COMMD8: variants seen among roughly 807,000 people sequenced by gnomAD.
COMMD8 encodes COMM domain-containing protein 8.
In COMMD8, 28 loss-of-function variants were observed where a neutral mutation model predicts 27.2. The observed-to-expected ratio is 1.03, with a 90% confidence interval of 0.76 to 1.41. The LOEUF (loss-of-function observed/expected upper bound fraction) is 1.41, where lower values mean the gene tolerates loss of function less well. Among genes scored for constraint, COMMD8 ranks in the 40% most tolerant of loss-of-function variants. The pLI, the probability that COMMD8 is intolerant of heterozygous loss-of-function variation, is 0.00. For missense variants in COMMD8, 217 were observed against 211.2 expected (o/e 1.03, Z -0.17); for synonymous variants, 79 against 75.5 (o/e 1.05, Z -0.24).
intron 3 of COMMD8, among the ~76,000 whole-genome samples, chr4:47,454,528 T>C (rs1287086060): frequency 6.6e-6 from 1 of 152,124 alleles, no homozygotes; most frequent in African/African-American, 2.4e-5. Context: ...TAAGAAGATA[T>C]TATCACTGGA....
chr4:47,455,019 A>G (rs1333135979), intron 3 of COMMD8, among the ~76,000 whole-genome samples: 2 of 151,682 alleles, frequency 1.3e-5, no homozygotes, highest in East Asian at 3.9e-4. Context: ...TTATTTATTT[A>G]TTTTTTTCTG....
At chr4:47,452,994 C>T (rs1233375574) in intron 4 of COMMD8, 65 bp downstream of exon 4, 59 of 1,437,376 alleles carry the variant, frequency 4.1e-5, no homozygotes, top group East Asian at 9.2e-5. Flanking sequence ...GAGACTCCAA[C>T]GCAAACAAAA....
intron 2 of COMMD8, 70 bp downstream of exon 2, chr4:47,460,074 G>A (rs1729984218): frequency 1.6e-6 from 2 of 1,273,626 alleles, no homozygotes; most frequent in Admixed American, 2.0e-5. Context: ...ATTATACATT[G>A]CTCTAAAAAA....
At chr4:47,457,291 G>T (rs1270936224) in intron 2 of COMMD8, among the ~76,000 whole-genome samples, 2 of 152,096 alleles carry the variant, frequency 1.3e-5, no homozygotes, top group Non-Finnish European at 2.9e-5. Context: ...TCAACAGAAA[G>T]ACACAACAAT....
At chr4:47,452,926 G>A (rs1160661577) in intron 4 of COMMD8, 133 bp downstream of exon 4, 2 of 647,604 alleles carry the variant, frequency 3.1e-6, no homozygotes, top group Non-Finnish European at 5.3e-6. Context: ...AACTCGGGAG[G>A]CGGAGGTTGC....
chr4:47,463,605 G>A lies in COMMD8; in HGVS notation c.47C>T (p.Pro16Leu). 1 of 1,546,914 alleles carries A rather than the reference G, an allele frequency of 6.5e-7. No individual in the cohort carries two copies. Reference sequence around the variant, plus strand: ...CCTCACCTGCGGGCCCAGCTCGGCCGGCAGCTTCTGCAGCCGCCACAAGGG... The same window carrying A: ...CCTCACCTGCGGGCCCAGCTCGGCCAGCAGCTTCTGCAGCCGCCACAAGGG... The part of the protein sequence containing the change: ...GTPLWRLQKL[P>L]AELGPQLLHK... The change falls in exon 1 of 5, where the codon CCG becomes CTG. Residue 16 changes from proline to leucine, a missense_variant. Physicochemically the swap from Pro to Leu is moderately conservative, Grantham distance 98. Transcript: ENST00000381571.
At chr4:47,456,376 A>G (rs1237349679) in intron 3 of COMMD8, among the ~76,000 whole-genome samples, 1 of 148,140 alleles carries the variant, frequency 6.8e-6, no homozygotes, top group Non-Finnish European at 1.5e-5. Context: ...TTTATTATCA[A>G]TGTAATGTTA....
chr4:47,452,539 A>G (rs1160628876), intron 4 of COMMD8, among the ~76,000 whole-genome samples: 1 of 143,596 alleles, frequency 7.0e-6, no homozygotes. Flanking sequence ...AAAATTACTT[A>G]GTACATTATG....
intron 1 of COMMD8, among the ~76,000 whole-genome samples, chr4:47,460,578 A>G (rs1241880429): frequency 1.3e-5 from 2 of 152,234 alleles, no homozygotes; most frequent in Admixed American, 1.3e-4. Context: ...AAAAGATTCC[A>G]TATTTATAGC....
intron 3 of COMMD8, among the ~76,000 whole-genome samples, chr4:47,456,004 G>A (rs1001645340): frequency 6.6e-6 from 1 of 152,004 alleles, no homozygotes; most frequent in Admixed American, 6.6e-5. Context: ...CCAGCACTCT[G>A]GTGGGTGGAG....
intron 3 of COMMD8, among the ~76,000 whole-genome samples, chr4:47,453,437 C>T (rs767850142): frequency 1.3e-5 from 2 of 152,060 alleles, no homozygotes; most frequent in African/African-American, 4.8e-5. Flanking sequence ...AGTAAGACAA[C>T]CAGTCAGCAA....
At chr4:47,455,241 C>G (rs1447514246) in intron 3 of COMMD8, among the ~76,000 whole-genome samples, 1 of 152,178 alleles carries the variant, frequency 6.6e-6, no homozygotes, top group Admixed American at 6.5e-5. Flanking sequence ...GTCTCAAACT[C>G]CTGGCCTCAA....
Position 47,458,340 on chromosome 4 carries a change from C to T in COMMD8, c.223-1611G>A, listed in dbSNP as rs563654268. Among the ~76,000 whole-genome samples, 41 of 151,998 alleles carry T rather than the reference C, an allele frequency of 2.7e-4. 2 individuals are homozygous for T. In the South Asian group the frequency reaches 8.3e-3, roughly 31 times the overall value. ...GAAAATTATTATATACAATCTCCCC[C>T]CAAAAAATCTGTATACAATTAGACA... On this transcript the variant is annotated intron_variant, in intron 2 of 4. Coordinates refer to ENST00000381571, the MANE Select transcript of COMMD8 (RefSeq NM_017845.5).
chr4:47,457,721 CTAAA>C (rs1357274948), intron 2 of COMMD8, among the ~76,000 whole-genome samples: 1 of 151,500 alleles, frequency 6.6e-6, no homozygotes, highest in East Asian at 1.9e-4. Context: ...TAGCACAACA[CTAAA>C]TAAATAAAGT....
rs201200855 is a variant in COMMD8 at position 47,462,693 on chromosome 4, AT to A, written c.66+892del. Among the ~76,000 whole-genome samples, 1,204 of 152,320 alleles carry A rather than the reference AT, an allele frequency of 7.9e-3. 16 individuals carry two copies. The highest frequency in any genetic ancestry group is 0.028 in the African/African-American group (1,144 of 41,564). The stretch of plus-strand genomic sequence containing the variant: ...GCCAAAAGCCAATAAAACACTCAGA[AT>A]CAACAGATCTGAGCATAAGTTCCAG... On this transcript the variant is annotated intron_variant, in intron 1 of 4. Transcript: ENST00000381571.
intron 3 of COMMD8, 126 bp from the exon 4 acceptor site, chr4:47,453,340 A>C (rs1261806923): frequency 1.5e-6 from 1 of 676,712 alleles, no homozygotes; most frequent in Non-Finnish European, 2.4e-6. Context: ...GAGAAAGGTG[A>C]AAGAAATAAA....
chr4:47,454,110 A>C (rs915264849), intron 3 of COMMD8, among the ~76,000 whole-genome samples: 1 of 152,160 alleles, frequency 6.6e-6, no homozygotes, highest in Non-Finnish European at 1.5e-5. Context: ...TCTCCTCCTC[A>C]ATATTTCCAA....
Position 47,463,637 on chromosome 4 carries a change from C to T in COMMD8, c.15G>A (p.Glu5=), listed in dbSNP as rs1379305360. 1.9e-6 allele frequency: 3 copies of T among 1,549,260 alleles called. No homozygotes were observed. Among genetic ancestry groups the T allele is most frequent in the Non-Finnish European group, 2.6e-6 (3 of 1,146,332 alleles). The change falls in exon 1 of 5, where the codon GAG becomes GAA. Residue 5 remains glutamate (E), a synonymous_variant. Coordinates refer to ENST00000381571, the MANE Select transcript of COMMD8 (RefSeq NM_017845.5). ...TCTGCAGCCGCCACAAGGGCGTCCC[C>T]TCTTCCGGCTCCATCCCTGCGCGAA... MEPE[E]GTPLWRLQKL... is the part of the protein sequence containing the mutation.
intron 2 of COMMD8, among the ~76,000 whole-genome samples, chr4:47,457,396 G>A (rs7693987): frequency 0.32 from 48,241 of 151,790 alleles, 8,024 homozygotes; most frequent in African/African-American, 0.42. Flanking sequence ...CACATTCACA[G>A]TTAGAGGTAT....
Sources: gnomAD v4.1 joint callset for allele counts (sites outside exome capture counted in the v4.1 genomes callset) on GRCh38, gnomAD v4.1.1 for gene constraint, MANE v1.5 for transcripts, NCBI Gene and HGNC (gene_info 2026-07-23, HGNC 2026-07-21) for gene names.